The following SYN2 variants were observed in gnomAD, a reference collection of about 807,000 sequenced individuals.
SYN2 encodes synapsin-2.
In SYN2, 19 loss-of-function variants were observed where a neutral mutation model predicts 50.9. The ratio of observed to expected loss-of-function variants is 0.37; its 90% confidence interval spans 0.26 to 0.55. The LOEUF is 0.55. Ranked by LOEUF, SYN2 falls within the 20% of genes least tolerant of loss-of-function variation. The probability of loss-of-function intolerance (pLI) is 0.81; values close to 1 mark genes in which losing one functional copy is unlikely to be tolerated. For missense variants in SYN2, 587 were observed against 576.4 expected (o/e 1.02, Z -0.19); for synonymous variants, 255 against 224.9 (o/e 1.13, Z -1.20).
At chr3:12,045,140 T>C (rs1054744863) in intron 1 of SYN2, among the ~76,000 whole-genome samples, 2 of 152,216 alleles carry the variant, frequency 1.3e-5, no homozygotes, top group Non-Finnish European at 2.9e-5. Context: ...CATTCTACTG[T>C]ACCACCACCA....
At chr3:12,148,019 C>T (rs1430235555) in intron 4 of SYN2, among the ~76,000 whole-genome samples, 3 of 151,922 alleles carry the variant, frequency 2.0e-5, no homozygotes, top group South Asian at 2.1e-4. Flanking sequence ...GTGGCTGAGG[C>T]GGGAGAATGG....
intron 1 of SYN2, among the ~76,000 whole-genome samples, chr3:12,013,604 A>G (rs1262034170): frequency 6.6e-6 from 1 of 152,046 alleles, no homozygotes; most frequent in Non-Finnish European, 1.5e-5. Context: ...CAGCTCTTCT[A>G]TTCTGTATTT....
intron 10 of SYN2, among the ~76,000 whole-genome samples, chr3:12,182,152 A>G (rs1265564682): frequency 6.6e-6 from 1 of 152,236 alleles, no homozygotes; most frequent in African/African-American, 2.4e-5. Context: ...AAAACAGGCC[A>G]TAATGGGCAG....
chr3:12,151,568 C>T (rs955300419), intron 5 of SYN2, among the ~76,000 whole-genome samples: 1 of 152,226 alleles, frequency 6.6e-6, no homozygotes, highest in African/African-American at 2.4e-5. Flanking sequence ...GAGAGAATAA[C>T]AAACTTCTGG....
In SYN2 at chr3:12,191,134, T is replaced by A. The variant is rs1368257132; in HGVS notation, c.*509T>A. The A allele has an allele frequency of 1.0e-6, 1 of 985,696 alleles. No homozygotes were observed. The highest frequency in any genetic ancestry group is 1.2e-6 in the Non-Finnish European group (1 of 830,224). 61.1% of individuals were successfully genotyped at this position (985,696 alleles called of 1,614,324 possible). On this transcript the variant is annotated 3_prime_UTR_variant, in exon 13 of 13. Transcript: ENST00000621198. ...CCCTTGTCATACCTGTGTTACTGTT[T>A]AAAGCACACCCACCCAACTTACAAG...
Position 12,012,480 on chromosome 3 carries a change from C to A in SYN2, c.377+7552C>A, listed in dbSNP as rs556632915. ...GAAAGTTAGCTTCTTTCTTAACATT[C>A]TTCCCTAACACGTAGTTGCTCATTG... On this transcript the variant is annotated intron_variant, in intron 1 of 12. Transcript: ENST00000621198. 3.3e-4 allele frequency among the ~76,000 whole-genome samples: 51 copies of A among 152,316 alleles called. No homozygotes were observed. The South Asian group carries it at 0.011, about 32-fold the overall frequency.
At chr3:12,138,788 C>G (rs7647559) in intron 1 of SYN2, among the ~76,000 whole-genome samples, 1 of 152,156 alleles carries the variant, frequency 6.6e-6, no homozygotes, top group African/African-American at 2.4e-5. Context: ...GAGGAAGCAT[C>G]AGAAAAGCAT....
intron 1 of SYN2, among the ~76,000 whole-genome samples, chr3:12,091,642 A>G (rs190368297): frequency 1.2e-4 from 18 of 152,272 alleles, no homozygotes; most frequent in African/African-American, 3.6e-4. Flanking sequence ...AATTTGGGGT[A>G]TTTTTAAAAT....
At chr3:12,034,002 AGTT>A (rs1179357318) in intron 1 of SYN2, among the ~76,000 whole-genome samples, 2 of 152,194 alleles carry the variant, frequency 1.3e-5, no homozygotes, top group Non-Finnish European at 2.9e-5. Flanking sequence ...TTTATGTACA[AGTT>A]GTTGTGTGAA....
chr3:12,162,261 AT>A, intron 7 of SYN2, 107 bp downstream of exon 7: 6 of 1,413,364 alleles, frequency 4.2e-6, no homozygotes, highest in South Asian at 3.0e-5. Context: ...TAAGTCAGAG[AT>A]TTTTTTACCT....
chr3:12,062,927 A>G (rs907764744), intron 1 of SYN2, among the ~76,000 whole-genome samples: 4 of 152,068 alleles, frequency 2.6e-5, no homozygotes, highest in African/African-American at 9.7e-5. Flanking sequence ...TCAAGCTACA[A>G]AAAGACATGG....
intron 10 of SYN2, among the ~76,000 whole-genome samples, chr3:12,181,697 C>T (rs1378665119): frequency 6.6e-6 from 1 of 151,972 alleles, no homozygotes; most frequent in African/African-American, 2.4e-5. Flanking sequence ...AATAGGTAGC[C>T]CCAGAGAAGA....
chr3:12,120,286 GT>G (rs373230242), intron 1 of SYN2, among the ~76,000 whole-genome samples: 7 of 148,932 alleles, frequency 4.7e-5, no homozygotes, highest in South Asian at 2.1e-4. Context: ...TTTAACCACA[GT>G]TTTTTTTTTA....
At chr3:12,018,963 G>C (rs75953499) in intron 1 of SYN2, among the ~76,000 whole-genome samples, 1 of 152,164 alleles carries the variant, frequency 6.6e-6, no homozygotes, top group Admixed American at 6.5e-5. Flanking sequence ...TCAAGTATCA[G>C]GGCTGTTGAG....
chr3:12,183,423 C>T (rs749267202), intron 11 of SYN2, 51 bp downstream of exon 11: 72 of 1,611,810 alleles, frequency 4.5e-5, no homozygotes, highest in East Asian at 4.5e-5. Context: ...AGGGCCAAAA[C>T]AAGTCCAAGC....
At chr3:12,049,444 G>A (rs1267333400) in intron 1 of SYN2, among the ~76,000 whole-genome samples, 1 of 152,030 alleles carries the variant, frequency 6.6e-6, no homozygotes, top group Non-Finnish European at 1.5e-5. Context: ...ACTGGAACCC[G>A]GGAGGCGGAG....
At chr3:12,009,923 C>T (rs866835873) in intron 1 of SYN2, among the ~76,000 whole-genome samples, 37 of 151,998 alleles carry the variant, frequency 2.4e-4, no homozygotes, top group Admixed American at 1.0e-3. Context: ...GGTGAAACCC[C>T]GTCTCTACTA....
intron 1 of SYN2, among the ~76,000 whole-genome samples, chr3:12,113,014 G>A (rs1206085641): frequency 6.6e-6 from 1 of 152,160 alleles, no homozygotes; most frequent in Admixed American, 6.6e-5. Context: ...AAGGTATTTA[G>A]TGCCTGTTCT....
intron 1 of SYN2, among the ~76,000 whole-genome samples, chr3:12,019,712 C>T (rs1694091448): frequency 6.6e-6 from 1 of 152,150 alleles, no homozygotes; most frequent in African/African-American, 2.4e-5. Context: ...TAAAACTTTA[C>T]AATTTATGTA....
Sources: allele counts gnomAD v4.1 joint callset (sites outside exome capture counted in the v4.1 genomes callset), GRCh38; gene constraint gnomAD v4.1.1; transcripts MANE v1.5; gene names NCBI Gene and HGNC (gene_info 2026-07-23, HGNC 2026-07-21).